NFIC: variants seen among roughly 807,000 people sequenced by gnomAD.
NFIC encodes the protein nuclear factor I C.
Under a neutral mutation model 54.4 loss-of-function variants are expected in NFIC, and 12 were observed. That is an observed-to-expected ratio of 0.22 (90% CI 0.14 to 0.36). NFIC has a LOEUF of 0.36. Ranked by LOEUF, NFIC falls within the 10% of genes least tolerant of loss-of-function variation. The probability of loss-of-function intolerance (pLI) is 1.00; values close to 1 mark genes in which losing one functional copy is unlikely to be tolerated. For synonymous variants in NFIC, 322 were observed against 319.2 expected (o/e 1.01, Z -0.09); for missense variants, 575 against 718.2 (o/e 0.80, Z 2.28).
intron 1 of NFIC, among the ~76,000 whole-genome samples, chr19:3,361,245 G>A (rs1193571203): frequency 6.6e-6 from 1 of 152,192 alleles, no homozygotes; most frequent in Non-Finnish European, 1.5e-5. Context: ...CGAGAGGGGC[G>A]GGGCGGCAGG....
At chr19:3,428,453 A>C (rs1427352731) in intron 3 of NFIC, among the ~76,000 whole-genome samples, 1 of 151,776 alleles carries the variant, frequency 6.6e-6, no homozygotes, top group Non-Finnish European at 1.5e-5. Flanking sequence ...CTGTCTCAAA[A>C]AAAAAAAAGG....
chr19:3,429,134 TATACACACACACAC>T (rs2082075146), intron 3 of NFIC, among the ~76,000 whole-genome samples: 2 of 67,162 alleles, frequency 3.0e-5, no homozygotes, highest in African/African-American at 6.3e-5. Flanking sequence ...AAAAAAAAAA[TATACACACACACAC>T]ACACACACAC....
intron 1 of NFIC, among the ~76,000 whole-genome samples, chr19:3,367,352 C>A (rs2080910869): frequency 6.8e-6 from 1 of 146,844 alleles, no homozygotes; most frequent in Admixed American, 6.7e-5. Context: ...TGCATCGATT[C>A]TGGATTCTGG....
chr19:3,380,239 C>T (rs369066311), intron 1 of NFIC, among the ~76,000 whole-genome samples: 10 of 144,156 alleles, frequency 6.9e-5, no homozygotes, highest in East Asian at 2.2e-4. Flanking sequence ...CTCCTGACCT[C>T]GTGATCTGCC....
At chr19:3,427,656 G>A (rs990062316) in intron 3 of NFIC, among the ~76,000 whole-genome samples, 9 of 147,922 alleles carry the variant, frequency 6.1e-5, no homozygotes, top group Non-Finnish European at 3.0e-5. Flanking sequence ...TGGTGAAACC[G>A]TCTCTACTAA....
At chr19:3,366,246 G>A (rs180790201), upstream of NFIC, among the ~76,000 whole-genome samples, 1 of 145,050 alleles carries the variant, frequency 6.9e-6, no homozygotes, top group Non-Finnish European at 1.5e-5. Flanking sequence ...CGGGAGGAGC[G>A]GGGGGGTCCT....
chr19:3,440,620 G>A (rs12462357), intron 6 of NFIC, among the ~76,000 whole-genome samples: 43,953 of 151,774 alleles, frequency 0.29, 7,539 homozygotes, highest in East Asian at 0.75. Context: ...TAGCGGAGGC[G>A]GGTTTTCACC....
intron 2 of NFIC, among the ~76,000 whole-genome samples, chr19:3,385,229 C>G (rs914501814): frequency 6.6e-6 from 1 of 150,974 alleles, no homozygotes; most frequent in African/African-American, 2.4e-5. Context: ...CACCTGCCCA[C>G]TGCGGGTGCT....
Position 3,425,151 on chromosome 19 carries a change from A to T in NFIC, c.608A>T (p.Gln203Leu). 1.2e-6 allele frequency: 2 copies of T among 1,612,718 alleles called. No individual in the cohort carries two copies. The highest frequency in any genetic ancestry group is 2.2e-5 in the South Asian group (2 of 91,040). Residue 203 changes from glutamine (Q) to leucine (L), a missense_variant, in exon 3 of 11, where the codon CAG becomes CTG. Around this residue, in one of 3 missense-constraint regions of NFIC, gnomAD observed 447 missense variants for 526.9 expected, o/e 0.85. Transcript: ENST00000443272. ...GSPRTGMGSD[Q>L]EDSKPITLDT... ...CCCCGGACAGGGATGGGCTCTGACC[A>T]GGAGGACAGCAAGCCCATCACGCTG...
intron 10 of NFIC, among the ~76,000 whole-genome samples, chr19:3,461,049 C>T (rs1444695181): frequency 3.9e-5 from 6 of 151,980 alleles, no homozygotes; most frequent in African/African-American, 1.4e-4. Context: ...CACTTGAACC[C>T]GGGAGGCAGA....
intron 2 of NFIC, among the ~76,000 whole-genome samples, chr19:3,414,393 G>A (rs1037647573): frequency 4.3e-4 from 66 of 152,054 alleles, no homozygotes; most frequent in Admixed American, 1.4e-3. Context: ...TCAAGAGTTC[G>A]AGACCAGCCT....
intron 2 of NFIC, 81 bp downstream of exon 2, chr19:3,382,324 G>T (rs1020893325): frequency 4.6e-5 from 71 of 1,534,446 alleles, no homozygotes; most frequent in Non-Finnish European, 5.9e-5. Flanking sequence ...GGGCCTGAGG[G>T]AGGAGGCCAG....
chr19:3,388,591 G>A (rs1692906329), intron 2 of NFIC, among the ~76,000 whole-genome samples: 1 of 152,140 alleles, frequency 6.6e-6, no homozygotes, highest in African/African-American at 2.4e-5. Flanking sequence ...GGGAGGCTGA[G>A]GCAGGAGGAT....
chr19:3,382,350 T>C (rs1201937459), intron 2 of NFIC, 107 bp downstream of exon 2: 4 of 1,443,780 alleles, frequency 2.8e-6, no homozygotes, highest in Non-Finnish European at 3.7e-6. Flanking sequence ...GTGGGTATGA[T>C]GTGGTGGTCT....
chr19:3,382,575 A>T (rs2145478242), intron 2 of NFIC, among the ~76,000 whole-genome samples: 1 of 150,576 alleles, frequency 6.6e-6, no homozygotes. Flanking sequence ...GCAGGGCAGC[A>T]GGCCTGGGAG....
chr19:3,433,698 C>A, intron 4 of NFIC, 106 bp downstream of exon 4: 1 of 1,183,574 alleles, frequency 8.4e-7, no homozygotes, highest in Non-Finnish European at 1.2e-6. Context: ...TCCAGACAAC[C>A]CCCTGTGTCA....
At chr19:3,451,130 A>G (rs746139053) in intron 7 of NFIC, among the ~76,000 whole-genome samples, 2 of 152,240 alleles carry the variant, frequency 1.3e-5, no homozygotes, top group African/African-American at 2.4e-5. Context: ...TGACTCAGCC[A>G]TGAAAACGCA....
In NFIC at chr19:3,451,051, A is replaced by T. The variant is rs913878090; in HGVS notation, c.1085-1431A>T. On this transcript the variant is annotated intron_variant, in intron 7 of 10. Transcript: ENST00000443272. ...GTGGAGATGAGGGAGTGACTGCTAT[A>T]AATAGTGAAAATACTAAAAATCACT... 3.3e-5 allele frequency among the ~76,000 whole-genome samples: 5 copies of T among 152,300 alleles called. No homozygotes were observed. In the East Asian group the frequency reaches 9.6e-4, roughly 29 times the overall value.
rs2081430144 is a variant in NFIC at position 3,394,526 on chromosome 19, C to CCA, written c.562+12284_562+12285insAC. On this transcript the variant is annotated intron_variant, in intron 2 of 10. Transcript: ENST00000443272. ...TTTTATGATCTTTTCCCCACCCACC[C>CCA]CCCACCCGCTTACACTAAGTCTGAA... 7.5e-5 allele frequency among the ~76,000 whole-genome samples: 5 copies of CCA among 66,488 alleles called. No homozygotes were observed. In the South Asian group the frequency reaches 3.2e-3, roughly 43 times the overall value. 43.6% of individuals were successfully genotyped at this position (66,488 alleles called of 152,430 possible).
Sources: allele counts gnomAD v4.1 joint callset (sites outside exome capture counted in the v4.1 genomes callset), GRCh38; gene constraint gnomAD v4.1.1; regional missense constraint gnomAD v4.1.1; transcripts MANE v1.5; gene names NCBI Gene and HGNC (gene_info 2026-07-23, HGNC 2026-07-21).